Variants in MAPK4 observed in about 807,000 individuals in gnomAD.
MAPK4 encodes the protein Erk3-related.
MAPK4 carries 22 observed loss-of-function variants against 47.7 expected under a neutral mutation model. That is an observed-to-expected ratio of 0.46 (90% CI 0.33 to 0.66). The LOEUF is 0.66. Ranked by LOEUF, MAPK4 falls within the 30% of genes least tolerant of loss-of-function variation. The probability of loss-of-function intolerance (pLI) is 0.02; values close to 1 mark genes in which losing one functional copy is unlikely to be tolerated. For synonymous variants in MAPK4, 390 were observed against 365.7 expected, an observed-to-expected ratio of 1.07 and a Z score of -0.76; for missense variants, 736 against 831.7, an observed-to-expected ratio of 0.88 and a Z score of 1.42.
intron 2 of MAPK4, among the ~76,000 whole-genome samples, chr18:50,698,314 T>C (rs1209097758): frequency 6.6e-6 from 1 of 152,208 alleles, no homozygotes; most frequent in Admixed American, 6.5e-5. Context: ...GGCAATACCA[T>C]GAACTCCATG....
rs80058591 is a variant in MAPK4, at chr18:50,629,098, G to A, written c.-870-33991G>A. Among the ~76,000 whole-genome samples the A allele has an allele frequency of 3.2e-3, 490 of 152,330 alleles. 2 individuals are homozygous for A. The highest frequency in any genetic ancestry group is 0.011 in the East Asian group (59 of 5,190). On this transcript the variant is annotated intron_variant, in intron 1 of 5. Coordinates refer to ENST00000400384, the MANE Select transcript of MAPK4 (RefSeq NM_002747.4). Reference sequence around the variant, plus strand: ...TGCTTGACTTCGTTCTTTCTGCTTTGTGGGGGCTTTCTCAAGAGTAAGTGC... The same window carrying A: ...TGCTTGACTTCGTTCTTTCTGCTTTATGGGGGCTTTCTCAAGAGTAAGTGC...
intron 1 of MAPK4, among the ~76,000 whole-genome samples, chr18:50,569,616 G>A (rs1160345904): frequency 6.6e-6 from 1 of 152,194 alleles, no homozygotes; most frequent in Non-Finnish European, 1.5e-5. Flanking sequence ...GGCCAGTAAA[G>A]CCCCTTCCTC....
At chr18:50,721,211 T>C (rs965942761) in intron 3 of MAPK4, among the ~76,000 whole-genome samples, 1 of 151,882 alleles carries the variant, frequency 6.6e-6, no homozygotes, top group African/African-American at 2.4e-5. Flanking sequence ...GTGAGTTGAG[T>C]TTCTGAGACA....
At position 50,664,292 on chromosome 18, in the gene MAPK4, C is replaced by T. The variant is rs755657525; in HGVS notation, c.334C>T (p.Leu112=). 2 of 1,613,328 alleles carry T rather than the reference C, an allele frequency of 1.2e-6. No individual in the cohort carries two copies. The highest frequency in any genetic ancestry group is 1.7e-6 in the Non-Finnish European group (2 of 1,179,698). Reference sequence around the variant, plus strand: ...CGTCCAGGAGTACATGGAGACCGACCTGGCACGCCTGCTGGAGCAGGGCAC... The same window carrying T: ...CGTCCAGGAGTACATGGAGACCGACTTGGCACGCCTGCTGGAGCAGGGCAC... ...YIVQEYMETD[L]ARLLEQGTLA... The change falls in exon 2 of 6, where the codon CTG becomes TTG. Residue 112 remains leucine, a synonymous_variant. Transcript: ENST00000400384. The surrounding 1 kb of genome is among the most constrained non-coding windows in gnomAD (Gnocchi z 6.0).
In MAPK4 at chr18:50,582,280, C is replaced by T. The variant is rs79207823; in HGVS notation, c.-871+22037C>T. Among the ~76,000 whole-genome samples the T allele has an allele frequency of 6.8e-3, 1,040 of 152,246 alleles. 16 individuals carry two copies. Among genetic ancestry groups the T allele is most frequent in the African/African-American group, 0.024 (985 of 41,534 alleles). On this transcript the variant is annotated intron_variant, in intron 1 of 5. Coordinates refer to ENST00000400384, the MANE Select transcript of MAPK4 (RefSeq NM_002747.4). ...CAAGCTCTCCTGTTCTGTGGTACAGCGAGGATGCTCAGGTGCGGGTGCCCT... is the reference window on the plus strand; with the variant it reads ...CAAGCTCTCCTGTTCTGTGGTACAGTGAGGATGCTCAGGTGCGGGTGCCCT...
At chr18:50,604,536 A>T (rs187912899) in intron 1 of MAPK4, among the ~76,000 whole-genome samples, 1 of 152,210 alleles carries the variant, frequency 6.6e-6, no homozygotes, top group East Asian at 1.9e-4. Flanking sequence ...GCTAAATCCT[A>T]AACAGTTTTA....
intron 1 of MAPK4, among the ~76,000 whole-genome samples, chr18:50,589,465 G>A (rs1037831826): frequency 1.8e-4 from 28 of 152,162 alleles, no homozygotes; most frequent in Admixed American, 1.2e-3. Flanking sequence ...GCGTGGTGGC[G>A]GGCGCCTGTA....
chr18:50,576,529 C>T (rs2042298786), intron 1 of MAPK4, among the ~76,000 whole-genome samples: 1 of 152,180 alleles, frequency 6.6e-6, no homozygotes, highest in Admixed American at 6.5e-5. Flanking sequence ...AATCACCTCT[C>T]AGGTTCTATG....
chr18:50,668,710 C>T (rs1172770041), intron 2 of MAPK4, among the ~76,000 whole-genome samples: 9 of 152,214 alleles, frequency 5.9e-5, no homozygotes, highest in African/African-American at 1.9e-4. Context: ...AGTCCTTTTG[C>T]TCATGTAGTT....
chr18:50,671,339 CA>C (rs1204884037), intron 2 of MAPK4, among the ~76,000 whole-genome samples: 2 of 152,116 alleles, frequency 1.3e-5, no homozygotes, highest in Non-Finnish European at 2.9e-5. Context: ...GTGATACGAA[CA>C]ATAATTTTGG....
At chr18:50,580,209 A>G (rs1210242293) in intron 1 of MAPK4, among the ~76,000 whole-genome samples, 3 of 152,076 alleles carry the variant, frequency 2.0e-5, no homozygotes, top group Admixed American at 6.5e-5. Flanking sequence ...GTCACACCAA[A>G]GGGATTGAAG....
intron 1 of MAPK4, among the ~76,000 whole-genome samples, chr18:50,569,808 C>A (rs1239039646): frequency 6.6e-6 from 1 of 152,250 alleles, no homozygotes; most frequent in Non-Finnish European, 1.5e-5. Context: ...GAGGCCCTGG[C>A]CTCTTGATTC....
Position 50,730,025 on chromosome 18 carries a change from T to G in MAPK4, c.*171T>G. 4.6e-6 allele frequency: 3 copies of G among 657,956 alleles called. No homozygotes were observed. The highest frequency in any genetic ancestry group is 2.7e-5 in the South Asian group (1 of 36,592). The allele number at this position is 657,956 out of a possible 1,614,324, so 40.8% of individuals were successfully genotyped here. The stretch of plus-strand genomic sequence containing the variant: ...CCATTTCTTAAACTGCCTTAATAAC[T>G]AGCCTTTAACCTGTGGGAGCGGGTT... On this transcript the variant is annotated 3_prime_UTR_variant, in exon 6 of 6. Transcript: ENST00000400384.
intron 1 of MAPK4, among the ~76,000 whole-genome samples, chr18:50,567,768 TTTG>T (rs922531261): frequency 3.7e-4 from 56 of 151,360 alleles, no homozygotes; most frequent in African/African-American, 9.4e-4. Flanking sequence ...GGGTGTGGTG[TTTG>T]TTGTTGTTGT....
chr18:50,702,958 A>G (rs1909868177), intron 2 of MAPK4, among the ~76,000 whole-genome samples: 1 of 152,200 alleles, frequency 6.6e-6, no homozygotes, highest in Admixed American at 6.5e-5. Context: ...GGGCACTTCA[A>G]AAGTGGTGTA....
chr18:50,566,257 A>G (rs1376499226), intron 1 of MAPK4, among the ~76,000 whole-genome samples: 1 of 152,202 alleles, frequency 6.6e-6, no homozygotes, highest in Non-Finnish European at 1.5e-5. Flanking sequence ...GATTTGTATA[A>G]ATTTTTCGAG....
At chr18:50,634,321 T>TTG (rs1168840254) in intron 1 of MAPK4, among the ~76,000 whole-genome samples, 7 of 150,976 alleles carry the variant, frequency 4.6e-5, no homozygotes, top group Non-Finnish European at 8.9e-5. Flanking sequence ...TTTTCTTTTT[T>TTG]TTTTTTCCTT....
At chr18:50,616,073 C>T (rs992887826) in intron 1 of MAPK4, among the ~76,000 whole-genome samples, 19 of 152,128 alleles carry the variant, frequency 1.2e-4, no homozygotes, top group African/African-American at 3.6e-4. Flanking sequence ...CTTCAGGTGT[C>T]GGGGACTGGC....
At chr18:50,710,737 G>A (rs575331821) in intron 2 of MAPK4, among the ~76,000 whole-genome samples, 29 of 151,144 alleles carry the variant, frequency 1.9e-4, no homozygotes, top group African/African-American at 6.6e-4. Flanking sequence ...CAGAGATAGC[G>A]CCACTGCACG....
Sources: allele counts gnomAD v4.1 joint callset (sites outside exome capture counted in the v4.1 genomes callset), GRCh38; gene constraint gnomAD v4.1.1; non-coding constraint Gnocchi (gnomAD v3.1); transcripts MANE v1.5; gene names NCBI Gene and HGNC (gene_info 2026-07-23, HGNC 2026-07-21).